Variants in ZNF556 observed in about 807,000 individuals in gnomAD.
ZNF556 encodes zinc finger protein 556.
In ZNF556, 11 loss-of-function variants were observed where a neutral mutation model predicts 13.6. The observed-to-expected ratio is 0.81, with a 90% CI of 0.51 to 1.33. The LOEUF is 1.33. Ranked by LOEUF, ZNF556 falls within the 40% of genes most tolerant of loss-of-function variation. ZNF556 has a pLI of 0.00. For synonymous variants in ZNF556, 229 were observed against 207.8 expected (o/e 1.10, Z -0.88); for missense variants, 633 against 566.2 (o/e 1.12, Z -1.20).
rs2087898979 is a variant in ZNF556 at position 2,880,764 on chromosome 19, A to G, written c.*2435A>G. ...GTGACAGAGCGAGACTCCGTCTCAA[A>G]AAAAAGAATTATACTTCTGAATTAA... On this transcript the variant is annotated 3_prime_UTR_variant, in exon 4 of 4. Transcript: ENST00000307635. 6.6e-6 allele frequency: 1 copy of G among 152,168 alleles called. No homozygotes were observed. Among genetic ancestry groups the G allele is most frequent in the Admixed American group, 6.6e-5 (1 of 15,254 alleles). 9.4% of individuals were successfully genotyped at this position (152,168 alleles called of 1,614,324 possible).
At position 2,876,245 on chromosome 19, in the gene ZNF556, G is replaced by C. The variant is rs370558675; in HGVS notation, c.283G>C (p.Asp95His). Residue 95 changes from aspartate to histidine, a missense_variant, in exon 3 of 4, where the codon GAC becomes CAC. Physicochemically the swap from Asp to His is moderately conservative, Grantham distance 81. Transcript: ENST00000307635. ...GKNWEEHSVK[D>H]KHNTKERHLS... Reference sequence around the variant, plus strand: ...AAATTGGGAAGAACATAGCGTTAAAGACAAGCACAACACCAAGGAGAGACA... The same window carrying C: ...AAATTGGGAAGAACATAGCGTTAAACACAAGCACAACACCAAGGAGAGACA... 3 of 1,605,112 alleles carry C rather than the reference G, an allele frequency of 1.9e-6. No homozygotes were observed. In the African/African-American group the frequency reaches 4.0e-5, roughly 22 times the overall value.
At position 2,878,152 on chromosome 19, in the gene ZNF556, A is replaced by G; in HGVS notation, c.1194A>G (p.Val398=). ...GAAAGCACACTGGGGAGAAACCTGTAAATGCAGCCAGTGTGGGAAAACCTT... is the reference window on the plus strand; with the variant it reads ...GAAAGCACACTGGGGAGAAACCTGTGAATGCAGCCAGTGTGGGAAAACCTT... The part of the protein sequence containing the change: ...HERKHTGEKP[V]NAASVGKPSG... Residue 398 remains valine (V), a synonymous_variant, in exon 4 of 4, where the codon GTA becomes GTG. Transcript: ENST00000307635. The G allele has an allele frequency of 6.2e-7, 1 of 1,614,114 alleles. No individual in the cohort carries two copies. The highest frequency in any genetic ancestry group is 8.5e-7 in the Non-Finnish European group (1 of 1,180,004).
At chr19:2,872,934 T>G (rs959834658) in intron 1 of ZNF556, among the ~76,000 whole-genome samples, 3 of 151,718 alleles carry the variant, frequency 2.0e-5, no homozygotes, top group African/African-American at 7.3e-5. Context: ...GGAGTTCAAG[T>G]GCAGCCTGGC....
In ZNF556 at chr19:2,874,621, T is replaced by G. The variant is rs184179093; in HGVS notation, c.130+999T>G. On this transcript the variant is annotated intron_variant, in intron 2 of 3. Transcript: ENST00000307635. ...TAGCCAGGTGTGGCGGAGGGCACCT[T>G]TAGTCCCAGCTACTTGGGAGGCTGA... Among the ~76,000 whole-genome samples, 1,377 of 150,568 alleles carry G rather than the reference T, an allele frequency of 9.1e-3. 24 individuals are homozygous for G. The highest frequency in any genetic ancestry group is 0.032 in the African/African-American group (1,313 of 40,956).
chr19:2,868,580 C>T (rs576445692), intron 1 of ZNF556, among the ~76,000 whole-genome samples: 15 of 151,842 alleles, frequency 9.9e-5, no homozygotes, highest in African/African-American at 3.6e-4. Context: ...CCACGTCCAG[C>T]TAATTTTTGT....
At chr19:2,867,610 G>A (rs1396001363) in intron 1 of ZNF556, among the ~76,000 whole-genome samples, 186 bp downstream of exon 1, 1 of 151,068 alleles carries the variant, frequency 6.6e-6, no homozygotes, top group Non-Finnish European at 1.5e-5. Context: ...CTGGAAAGTC[G>A]TAGTTGTCAG....
chr19:2,869,371 AT>A (rs56655127), intron 1 of ZNF556, among the ~76,000 whole-genome samples: 41,251 of 151,280 alleles, frequency 0.27, 7,209 homozygotes, highest in East Asian at 0.67. Flanking sequence ...CTTTTTTTAA[AT>A]TTTTTATTTT....
Position 2,880,477 on chromosome 19 carries a change from G to T in ZNF556, c.*2148G>T, listed in dbSNP as rs12459134. 55,626 of 152,052 alleles carry T rather than the reference G, an allele frequency of 0.37. 12,590 individuals are homozygous for T. Among genetic ancestry groups the T allele is most frequent in the East Asian group, 0.8 (4,133 of 5,172 alleles). 9.4% of individuals were successfully genotyped at this position (152,052 alleles called of 1,614,324 possible). On this transcript the variant is annotated 3_prime_UTR_variant, in exon 4 of 4. Coordinates refer to ENST00000307635, the MANE Select transcript of ZNF556 (RefSeq NM_024967.3). ...AAATCAACATGGTGACTTTAAAAAT[G>T]ATACTTCTGGGCCAGGCACAGTGGC...
chr19:2,869,497 G>C (rs56090510), intron 1 of ZNF556, among the ~76,000 whole-genome samples: 2,929 of 152,244 alleles, frequency 0.019, 39 homozygotes, highest in East Asian at 0.025. Flanking sequence ...CTCCTGGGTA[G>C]CTGGGACTAC....
In ZNF556 at chr19:2,878,288, G is replaced by T; in HGVS notation, c.1330G>T (p.Val444Leu). 6.2e-7 allele frequency: 1 copy of T among 1,614,080 alleles called. No individual in the cohort carries two copies. ...FSCPKAFQGH[V>L]RSHTGKKSCT... ...TTGTCCCAAAGCCTTTCAAGGTCAT[G>T]TGAGAAGTCACACAGGAAAGAAATC... is the stretch of plus-strand genomic sequence containing the variant. Residue 444 changes from valine to leucine, a missense_variant, in exon 4 of 4, where the codon GTG becomes TTG. By Grantham distance (32) the Val-to-Leu change is conservative (BLOSUM62 1). Coordinates refer to ENST00000307635, the MANE Select transcript of ZNF556 (RefSeq NM_024967.3).
Position 2,877,341 on chromosome 19 carries a change from A to G in ZNF556, c.383A>G (p.Lys128Arg), listed in dbSNP as rs942639735. Reference protein sequence around the residue: ...KGNKRGRTFRKTRNCNRHLRK... With the variant: ...KGNKRGRTFRRTRNCNRHLRK... ...AATAAACGTGGAAGAACCTTCAGAA[A>G]GACTCGAAATTGTAATCGTCATCTG... is the stretch of plus-strand genomic sequence containing the variant. Residue 128 changes from lysine (K) to arginine (R), a missense_variant, in exon 4 of 4, where the codon AAG (lysine) becomes AGG (arginine). Coordinates refer to ENST00000307635, the MANE Select transcript of ZNF556 (RefSeq NM_024967.3). 6 of 1,614,152 alleles carry G rather than the reference A, an allele frequency of 3.7e-6. No individual in the cohort carries two copies. The African/African-American group carries it at 6.7e-5, about 18-fold the overall frequency.
At chr19:2,871,897 T>C (rs1461635391) in intron 1 of ZNF556, among the ~76,000 whole-genome samples, 2 of 152,100 alleles carry the variant, frequency 1.3e-5, no homozygotes, top group Admixed American at 1.3e-4. Context: ...CCATCTCCAA[T>C]GATAGGTAAG....
Position 2,878,281 on chromosome 19 carries a change from A to G in ZNF556, c.1323A>G (p.Gln441=), listed in dbSNP as rs368612899. Residue 441 remains glutamine, a synonymous_variant, in exon 4 of 4, where the codon CAA becomes CAG. Coordinates refer to ENST00000307635, the MANE Select transcript of ZNF556 (RefSeq NM_024967.3). ...GKAFSCPKAF[Q]GHVRSHTGKK... ...CTTTCAGTTGTCCCAAAGCCTTTCA[A>G]GGTCATGTGAGAAGTCACACAGGAA... 18 of 1,614,050 alleles carry G rather than the reference A, an allele frequency of 1.1e-5. No homozygotes were observed. The African/African-American group carries it at 1.9e-4, about 17-fold the overall frequency.
At chr19:2,870,452 T>TA (rs1028550304) in intron 1 of ZNF556, among the ~76,000 whole-genome samples, 3 of 147,912 alleles carry the variant, frequency 2.0e-5, no homozygotes, top group African/African-American at 7.5e-5. Flanking sequence ...ACCTTGTCTC[T>TA]AAAAAATTTT....
chr19:2,868,278 C>T (rs74438221), intron 1 of ZNF556, among the ~76,000 whole-genome samples: 52 of 151,656 alleles, frequency 3.4e-4, no homozygotes, highest in African/African-American at 1.2e-3. Flanking sequence ...TGACACGCCC[C>T]GAAATGAATA....
chr19:2,872,567 TATCTA>T (rs2144885218), intron 1 of ZNF556, among the ~76,000 whole-genome samples: 1 of 152,278 alleles, frequency 6.6e-6, no homozygotes, highest in African/African-American at 2.4e-5. Context: ...TATATAATCA[TATCTA>T]AGATCTATAT....
chr19:2,871,108 G>T (rs2087799498), intron 1 of ZNF556, among the ~76,000 whole-genome samples: 1 of 151,592 alleles, frequency 6.6e-6, no homozygotes, highest in Non-Finnish European at 1.5e-5. Flanking sequence ...AGGTTGCAGT[G>T]AGCTGAGATC....
At chr19:2,876,485 C>T (rs532924717) in intron 3 of ZNF556, among the ~76,000 whole-genome samples, 14 of 151,892 alleles carry the variant, frequency 9.2e-5, no homozygotes, top group East Asian at 1.9e-4. Flanking sequence ...TTTGGGAGGC[C>T]GAGGGAGGCG....
rs1340846078 is a variant in ZNF556 at position 2,879,661 on chromosome 19, A to G, written c.*1332A>G. 5 of 151,902 alleles carry G rather than the reference A, an allele frequency of 3.3e-5. No individual in the cohort carries two copies. The highest frequency in any genetic ancestry group is 1.2e-4 in the African/African-American group (5 of 41,326). 9.4% of individuals were successfully genotyped at this position (151,902 alleles called of 1,614,324 possible). On this transcript the variant is annotated 3_prime_UTR_variant, in exon 4 of 4. Transcript: ENST00000307635. ...CTGGCCATATTATCATTATCTTAAT[A>G]CCTCATTGTCTCAGTATTTCTTGTG... is the stretch of plus-strand genomic sequence containing the variant.
Sources: allele counts gnomAD v4.1 joint callset (sites outside exome capture counted in the v4.1 genomes callset), GRCh38; gene constraint gnomAD v4.1.1; transcripts MANE v1.5; gene names NCBI Gene and HGNC (gene_info 2026-07-23, HGNC 2026-07-21).